The following RFX6 variants were observed in gnomAD, a reference collection of about 807,000 sequenced individuals.
The protein encoded by RFX6 is regulatory factor X6.
In RFX6, 50 loss-of-function variants were observed where a neutral mutation model predicts 110.8. The ratio of observed to expected loss-of-function variants is 0.45; its 90% CI spans 0.36 to 0.57. The LOEUF is 0.57. Among genes scored for constraint, RFX6 ranks in the 20% least tolerant of loss-of-function variants. The pLI, the probability that RFX6 is intolerant of heterozygous loss-of-function variation, is 0.00. For synonymous variants in RFX6, 383 were observed against 411.2 expected (o/e 0.93, Z 0.83); for missense variants, 990 against 1,127.0 (o/e 0.88, Z 1.74).
chr6:116,924,788 T>C lies in RFX6; in HGVS notation c.1675T>C (p.Ser559Pro), dbSNP rs773317538. Residue 559 changes from serine (S) to proline (P), a missense_variant, in exon 15 of 19, where the codon TCA (serine) becomes CCA (proline). By Grantham distance (74) the Ser-to-Pro change is moderately conservative (BLOSUM62 -1). Transcript: ENST00000332958. ...TTTATTGGACAAGTATATGAAGAAT[T>C]CAGGTAACTTAAAATAACTGTTTTG... The part of the protein sequence containing the change: ...QNLLDKYMKN[S>P]DASKAAFTAS... 43 of 1,578,616 alleles carry C rather than the reference T, an allele frequency of 2.7e-5. No homozygotes were observed. The highest frequency in any genetic ancestry group is 3.5e-5 in the Non-Finnish European group (40 of 1,147,964).
intron 6 of RFX6, 67 bp from the exon 7 acceptor site, chr6:116,910,868 C>A (rs1775333964): frequency 9.4e-7 from 1 of 1,067,250 alleles, no homozygotes; most frequent in Non-Finnish European, 1.5e-6. Flanking sequence ...TTGTATTTTA[C>A]TAGAATAGTA....
At chr6:116,924,907 C>A in intron 15 of RFX6, 116 bp downstream of exon 15, 1 of 743,958 alleles carries the variant, frequency 1.3e-6, no homozygotes, top group South Asian at 1.5e-5. Context: ...TTTCTCCAAA[C>A]ATGTCATTAC....
chr6:116,912,764 T>C (rs1222423629), intron 7 of RFX6, among the ~76,000 whole-genome samples: 2 of 152,158 alleles, frequency 1.3e-5, no homozygotes, highest in Non-Finnish European at 2.9e-5. Context: ...CAGGCTCCAA[T>C]AGTTTACCTC....
At chr6:116,930,242 T>C (rs774955803) in intron 18 of RFX6, among the ~76,000 whole-genome samples, 16 of 151,938 alleles carry the variant, frequency 1.1e-4, no homozygotes, top group Admixed American at 1.1e-3. Context: ...GCAAGGAGAA[T>C]TGAGTTCAAC....
At chr6:116,929,256 C>T (rs1473874269) in intron 18 of RFX6, among the ~76,000 whole-genome samples, 1 of 152,080 alleles carries the variant, frequency 6.6e-6, no homozygotes, top group Non-Finnish European at 1.5e-5. Flanking sequence ...ATTAATATGA[C>T]CTGTCAAATG....
At chr6:116,918,117 CTAG>C (rs752117103) in intron 10 of RFX6, 31 bp downstream of exon 10, 2 of 1,490,842 alleles carry the variant, frequency 1.3e-6, no homozygotes. Context: ...ATGAGCATTC[CTAG>C]TATAGGATTT....
chr6:116,895,623 T>A (rs1002257851), intron 6 of RFX6, among the ~76,000 whole-genome samples: 12 of 150,724 alleles, frequency 8.0e-5, no homozygotes, highest in African/African-American at 2.9e-4. Context: ...TGCTACACTA[T>A]GGTTTGTTTT....
intron 6 of RFX6, among the ~76,000 whole-genome samples, chr6:116,905,712 C>T (rs1775186816): frequency 6.6e-6 from 1 of 151,874 alleles, no homozygotes; most frequent in Non-Finnish European, 1.5e-5. Context: ...CCACCATGCC[C>T]AGCTAATTTT....
chr6:116,887,059 C>G (rs1007964815), intron 4 of RFX6, among the ~76,000 whole-genome samples: 1 of 151,958 alleles, frequency 6.6e-6, no homozygotes, highest in Non-Finnish European at 1.5e-5. Context: ...GAGACTCCAT[C>G]TCAAAACATA....
chr6:116,907,924 T>C (rs547180808), intron 6 of RFX6, among the ~76,000 whole-genome samples: 2 of 152,246 alleles, frequency 1.3e-5, no homozygotes, highest in African/African-American at 4.8e-5. Flanking sequence ...CTGTTATCTG[T>C]ACATACCTGT....
intron 4 of RFX6, among the ~76,000 whole-genome samples, chr6:116,891,417 G>GC (rs1774829323): frequency 6.6e-6 from 1 of 152,172 alleles, no homozygotes. Flanking sequence ...AATAAAAGAA[G>GC]TTTATCAATT....
chr6:116,916,096 C>T lies in RFX6; in HGVS notation c.858+11C>T, dbSNP rs199932349. On this transcript the variant is annotated intron_variant, in intron 8 of 18. Transcript: ENST00000332958. ...GGAAACTTTGAAGAGGTAAGAATGACAAAGAATGCTTTATTTGACCCTATT... is the reference window on the plus strand; with the variant it reads ...GGAAACTTTGAAGAGGTAAGAATGATAAAGAATGCTTTATTTGACCCTATT... The T allele has an allele frequency of 5.0e-6, 8 of 1,590,886 alleles. No individual in the cohort carries two copies. In the South Asian group the frequency reaches 8.8e-5, roughly 18 times the overall value.
intron 6 of RFX6, among the ~76,000 whole-genome samples, chr6:116,908,018 C>T (rs1775245273): frequency 6.6e-6 from 1 of 152,074 alleles, no homozygotes; most frequent in East Asian, 1.9e-4. Flanking sequence ...ATATCCTTGT[C>T]TGTTACACAC....
At chr6:116,897,528 G>A (rs1774976460) in intron 6 of RFX6, among the ~76,000 whole-genome samples, 1 of 152,164 alleles carries the variant, frequency 6.6e-6, no homozygotes, top group African/African-American at 2.4e-5. Flanking sequence ...AGGCTGGATT[G>A]TTTGTAGTCT....
chr6:116,908,803 T>C (rs1775270270), intron 6 of RFX6, among the ~76,000 whole-genome samples: 1 of 152,074 alleles, frequency 6.6e-6, no homozygotes, highest in African/African-American at 2.4e-5. Flanking sequence ...TTATATAATA[T>C]ACAGCATTCT....
intron 4 of RFX6, among the ~76,000 whole-genome samples, chr6:116,887,818 C>T (rs1364913676): frequency 2.6e-5 from 4 of 152,134 alleles, no homozygotes; most frequent in African/African-American, 9.7e-5. Context: ...TAACTAGGCC[C>T]TCGGGTACAA....
chr6:116,912,493 C>T (rs1715341677), intron 7 of RFX6, among the ~76,000 whole-genome samples: 1 of 151,922 alleles, frequency 6.6e-6, no homozygotes, highest in African/African-American at 2.4e-5. Flanking sequence ...TAATTTTTAC[C>T]TTATAGATGT....
At chr6:116,882,193 C>A (rs1286078761) in intron 3 of RFX6, among the ~76,000 whole-genome samples, 174 bp from the exon 4 acceptor site, 2 of 152,132 alleles carry the variant, frequency 1.3e-5, no homozygotes, top group East Asian at 3.8e-4. Context: ...ACCTCCCTGC[C>A]TCTGCTGATG....
chr6:116,920,341 T>C lies in RFX6; in HGVS notation c.1214T>C (p.Val405Ala), dbSNP rs1170074896. 1 of 1,612,272 alleles carries C rather than the reference T, an allele frequency of 6.2e-7. No homozygotes were observed. The highest frequency in any genetic ancestry group is 1.1e-5 in the South Asian group (1 of 91,038). Reference sequence around the variant, plus strand: ...AGACCAGCTCTCTTTGACCAGCATGTCGTTAATTCTATGGTGTCTGATATT... The same window carrying C: ...AGACCAGCTCTCTTTGACCAGCATGCCGTTAATTCTATGGTGTCTGATATT... ...IARPALFDQHVVNSMVSDIER... is the reference protein window; with the variant it reads ...IARPALFDQHAVNSMVSDIER... The change falls in exon 12 of 19, where the codon GTC (valine) becomes GCC (alanine). Residue 405 changes from valine (V) to alanine (A), a missense_variant. Val to Ala is a moderately conservative substitution (Grantham distance 64). Coordinates refer to ENST00000332958, the MANE Select transcript of RFX6 (RefSeq NM_173560.4).
Sources: allele counts gnomAD v4.1 joint callset (sites outside exome capture counted in the v4.1 genomes callset), GRCh38; gene constraint gnomAD v4.1.1; transcripts MANE v1.5; gene names NCBI Gene and HGNC (gene_info 2026-07-23, HGNC 2026-07-21).